Variants in SPATA6L observed in about 807,000 individuals in gnomAD.
SPATA6L encodes the protein spermatogenesis associated 6-like protein.
In SPATA6L, 68 loss-of-function variants were observed where a neutral mutation model predicts 49.2. The ratio of observed to expected loss-of-function variants is 1.38; its 90% CI spans 1.14 to 1.69. The LOEUF (loss-of-function observed/expected upper bound fraction) is 1.69, where lower values mean the gene tolerates loss of function less well. Ranked by LOEUF, SPATA6L falls within the 40% of genes most tolerant of loss-of-function variation. The pLI, the probability that SPATA6L is intolerant of heterozygous loss-of-function variation, is 0.00. For synonymous variants in SPATA6L, 198 were observed against 165.7 expected (o/e 1.19, Z -1.50); for missense variants, 668 against 464.3 (o/e 1.44, Z -4.03).
At position 4,599,167 on chromosome 9, in the gene SPATA6L, T is replaced by C. The variant is rs914851993; in HGVS notation, c.*1644A>G. 5.3e-5 allele frequency among the ~76,000 whole-genome samples: 8 copies of C among 152,222 alleles called. No homozygotes were observed. Among genetic ancestry groups the C allele is most frequent in the African/African-American group, 1.4e-4 (6 of 41,452 alleles). ...GCATGAAACAAAGTTTCGAATGCAT[T>C]TGACTGCACCCTGCCACATGCAGTC... is the stretch of plus-strand genomic sequence containing the variant. On this transcript the variant is annotated 3_prime_UTR_variant, in exon 12 of 12. Transcript: ENST00000682582.
intron 1 of SPATA6L, among the ~76,000 whole-genome samples, 199 bp downstream of exon 1, chr9:4,666,013 G>A (rs780540219): frequency 2.3e-4 from 35 of 152,008 alleles, no homozygotes; most frequent in Non-Finnish European, 3.7e-4. Context: ...AAAAAAAAGT[G>A]GGAACAGGTG....
intron 5 of SPATA6L, 72 bp downstream of exon 5, chr9:4,629,019 T>C (rs1830894005): frequency 9.2e-7 from 1 of 1,081,354 alleles, no homozygotes; most frequent in Admixed American, 2.3e-5. Flanking sequence ...AAACTGAGTT[T>C]GGGCAAAAAT....
intron 4 of SPATA6L, among the ~76,000 whole-genome samples, chr9:4,634,672 G>A (rs957761675): frequency 1.3e-5 from 2 of 152,162 alleles, no homozygotes; most frequent in Non-Finnish European, 2.9e-5. Flanking sequence ...TGATGGAAAA[G>A]TCAAGAAAAT....
chr9:4,663,093 G>T (rs2130810135), intron 1 of SPATA6L: 1 of 1,614,080 alleles, frequency 6.2e-7, no homozygotes, highest in East Asian at 2.2e-5. Context: ...GGTGCTGGTG[G>T]TTCTGTGGGC....
At chr9:4,631,785 A>G (rs1185852744) in intron 4 of SPATA6L, among the ~76,000 whole-genome samples, 1 of 152,222 alleles carries the variant, frequency 6.6e-6, no homozygotes, top group Admixed American at 6.5e-5. Flanking sequence ...GAAAATTAGC[A>G]TCATTCAGTG....
At chr9:4,632,375 C>T (rs1352378923) in intron 4 of SPATA6L, among the ~76,000 whole-genome samples, 2 of 151,922 alleles carry the variant, frequency 1.3e-5, no homozygotes, top group Non-Finnish European at 2.9e-5. Context: ...GCAGGAGAAT[C>T]ACCTGAGGTC....
intron 3 of SPATA6L, among the ~76,000 whole-genome samples, chr9:4,645,273 A>C (rs1276100511): frequency 6.6e-6 from 1 of 152,254 alleles, no homozygotes; most frequent in Non-Finnish European, 1.5e-5. Flanking sequence ...TTAATATTCA[A>C]AACAGCATTA....
In SPATA6L at chr9:4,661,899, C is replaced by T; in HGVS notation, c.177G>A (p.Lys59=). 6.2e-7 allele frequency: 1 copy of T among 1,613,258 alleles called. No individual in the cohort carries two copies. Among genetic ancestry groups the T allele is most frequent in the Non-Finnish European group, 8.5e-7 (1 of 1,179,534 alleles). The part of the protein sequence containing the change: ...IMIQESMRFE[K]VFESAVDPGA... ...AAGCCAATGAGAAAGTCAAGATCAC[C>T]TTTTCAAATCTCATGCTCTCCTGAA... The change falls in exon 2 of 12, where the codon AAG becomes AAA. Residue 59 remains lysine (K), a splice_region_variant and synonymous_variant. Transcript: ENST00000682582.
chr9:4,648,137 G>A (rs1390567556), intron 3 of SPATA6L, among the ~76,000 whole-genome samples: 1 of 152,046 alleles, frequency 6.6e-6, no homozygotes, highest in Non-Finnish European at 1.5e-5. Flanking sequence ...GCCCAGCCAT[G>A]AAAACATGTT....
At position 4,662,051 on chromosome 9, in the gene SPATA6L, A is replaced by G; in HGVS notation, c.40-15T>C. On this transcript the variant is annotated splice_polypyrimidine_tract_variant and intron_variant, in intron 1 of 11. Transcript: ENST00000682582. This position sits in a 1 kb window ranked among gnomAD's most constrained non-coding sequence, Gnocchi z 4.9. The stretch of plus-strand genomic sequence containing the variant: ...GGGCAAGAAATCTTAAAAAGAAAGA[A>G]AACAACAAACAAGGGAGAGAAAACA... 3 of 1,612,508 alleles carry G rather than the reference A, an allele frequency of 1.9e-6. No homozygotes were observed. The highest frequency in any genetic ancestry group is 2.2e-5 in the East Asian group (1 of 44,860).
At chr9:4,625,709 GA>G in intron 5 of SPATA6L, 143 bp from the exon 6 acceptor site, 1 of 539,386 alleles carries the variant, frequency 1.9e-6, no homozygotes, top group African/African-American at 2.0e-5. Context: ...ATAAACTTAA[GA>G]AGGACATTTC....
At chr9:4,614,338 TC>T in intron 9 of SPATA6L, among the ~76,000 whole-genome samples, 1 of 152,312 alleles carries the variant, frequency 6.6e-6, no homozygotes, top group South Asian at 2.1e-4. Flanking sequence ...TCCCAACTCA[TC>T]CTTATGACCT....
intron 9 of SPATA6L, among the ~76,000 whole-genome samples, chr9:4,607,563 G>A (rs1825607606): frequency 6.6e-6 from 1 of 152,118 alleles, no homozygotes; most frequent in South Asian, 2.1e-4. Context: ...AAGTGAAGGA[G>A]AAATAAAATA....
rs146822603 is a variant in SPATA6L at position 4,663,165 on chromosome 9, G to A, written c.40-1129C>T. On this transcript the variant is annotated intron_variant, in intron 1 of 11. Transcript: ENST00000682582. ...GCACAATGTCACCGACGTAGCTTTTGGCTTTTTTCTGGGCTACATGCAGTA... is the reference window on the plus strand; with the variant it reads ...GCACAATGTCACCGACGTAGCTTTTAGCTTTTTTCTGGGCTACATGCAGTA... The A allele has an allele frequency of 1.6e-3, 2,594 of 1,614,114 alleles. 6 individuals are homozygous for A. Among genetic ancestry groups the A allele is most frequent in the Non-Finnish European group, 2.1e-3 (2,460 of 1,180,024 alleles).
intron 3 of SPATA6L, among the ~76,000 whole-genome samples, chr9:4,636,862 T>C (rs1393736631): frequency 6.6e-6 from 1 of 152,192 alleles, no homozygotes; most frequent in Admixed American, 6.5e-5. Context: ...CCAGCCACAA[T>C]GGATTGATGT....
intron 3 of SPATA6L, among the ~76,000 whole-genome samples, chr9:4,646,064 G>A (rs1447790946): frequency 6.6e-6 from 1 of 152,132 alleles, no homozygotes; most frequent in East Asian, 1.9e-4. Flanking sequence ...GGATTTGGCT[G>A]GGGACTATAG....
chr9:4,661,903 T>G lies in SPATA6L; in HGVS notation c.173A>C (p.Glu58Ala), dbSNP rs1839867741. The G allele has an allele frequency of 6.2e-7, 1 of 1,613,592 alleles. No homozygotes were observed. The highest frequency in any genetic ancestry group is 8.5e-7 in the Non-Finnish European group (1 of 1,179,656). ...PIMIQESMRF[E>A]KVFESAVDPG... ...CAATGAGAAAGTCAAGATCACCTTT[T>G]CAAATCTCATGCTCTCCTGAATCAT... The change falls in exon 2 of 12, where the codon GAA (glutamate) becomes GCA (alanine). Residue 58 changes from glutamate (E) to alanine (A), a missense_variant. Physicochemically the swap from Glu to Ala is moderately radical, Grantham distance 107. Transcript: ENST00000682582.
intron 3 of SPATA6L, among the ~76,000 whole-genome samples, chr9:4,644,289 C>T (rs1396700767): frequency 6.7e-6 from 1 of 149,844 alleles, no homozygotes; most frequent in Non-Finnish European, 1.5e-5. Flanking sequence ...CTGCTCAAGC[C>T]CAGGAGGTCA....
Position 4,635,291 on chromosome 9 carries a change from G to GTT in SPATA6L, c.334_335insAA (p.Thr112LysfsTer13), listed in dbSNP as rs762451027. 2.1e-5 allele frequency: 33 copies of GTT among 1,536,614 alleles called. No homozygotes were observed. The highest frequency in any genetic ancestry group is 2.8e-5 in the Non-Finnish European group (32 of 1,153,848). On this transcript the variant is annotated frameshift_variant, in exon 4 of 12. Transcript: ENST00000682582. LOFTEE classifies it high-confidence loss of function. ...ATCACTTACTGGAAAACCCAGAGCCGTCTTCATGAGCACCTCCCTACACCT... is the reference window on the plus strand; with the variant it reads ...ATCACTTACTGGAAAACCCAGAGCCGTTTCTTCATGAGCACCTCCCTACACCT...
Sources: allele counts gnomAD v4.1 joint callset (sites outside exome capture counted in the v4.1 genomes callset), GRCh38; gene constraint gnomAD v4.1.1; non-coding constraint Gnocchi (gnomAD v3.1); transcripts MANE v1.5; gene names NCBI Gene and HGNC (gene_info 2026-07-23, HGNC 2026-07-21).